NOXRED1: variants seen among roughly 807,000 people sequenced by gnomAD.
NOXRED1 encodes NADP dependent oxidoreductase domain containing 1.
A neutral mutation model predicts 30.4 loss-of-function variants in NOXRED1; 20 were observed. That is an observed-to-expected ratio of 0.66 (90% CI 0.46 to 0.96). The LOEUF (loss-of-function observed/expected upper bound fraction) is 0.96, where lower values mean the gene tolerates loss of function less well. Among genes scored for constraint, NOXRED1 ranks in the 40% least tolerant of loss-of-function variants. The pLI is 0.00. For missense variants in NOXRED1, 374 were observed against 428.0 expected (o/e 0.87, Z 1.11); for synonymous variants, 155 against 168.0 (o/e 0.92, Z 0.60).
At position 77,423,257 on chromosome 14, in the gene NOXRED1, C is replaced by T. The variant is rs75749791; in HGVS notation, c.-368G>A. The stretch of plus-strand genomic sequence containing the variant: ...TTTTACAGGTATTCTTGGGCCAGGA[C>T]GTTTTCCCTTCCATTCCCTCCTGCG... On this transcript the variant is annotated 5_prime_UTR_variant, in exon 1 of 6. Transcript: ENST00000380835. Among the ~76,000 whole-genome samples, 990 of 152,248 alleles carry T rather than the reference C, an allele frequency of 6.5e-3. 11 individuals are homozygous for T. Among genetic ancestry groups the T allele is most frequent in the African/African-American group, 0.023 (938 of 41,530 alleles).
chr14:77,407,858 A>C (rs1197729667), intron 2 of NOXRED1, among the ~76,000 whole-genome samples: 1 of 143,794 alleles, frequency 7.0e-6, no homozygotes, highest in Non-Finnish European at 1.5e-5. Context: ...ACTTGAAATT[A>C]TAATTCATCT....
chr14:77,406,364 A>G, intron 4 of NOXRED1: 1 of 598,048 alleles, frequency 1.7e-6, no homozygotes, highest in Non-Finnish European at 3.0e-6. Flanking sequence ...ACTAATGTAG[A>G]CATTGCTAAT....
upstream of NOXRED1, among the ~76,000 whole-genome samples, chr14:77,425,388 A>C (rs1039988510): frequency 4.6e-5 from 7 of 152,218 alleles, no homozygotes; most frequent in Non-Finnish European, 5.9e-5. Flanking sequence ...AGATTAGATT[A>C]GATTAGATTA....
chr14:77,418,286 C>T (rs954774894), intron 1 of NOXRED1, among the ~76,000 whole-genome samples: 2 of 152,064 alleles, frequency 1.3e-5, no homozygotes, highest in Non-Finnish European at 2.9e-5. Flanking sequence ...AGGCACACAC[C>T]ATCATACTTG....
chr14:77,414,204 CAG>C (rs1251943169), intron 1 of NOXRED1, 77 bp from the exon 2 acceptor site: 18 of 911,046 alleles, frequency 2.0e-5, no homozygotes, highest in Non-Finnish European at 2.4e-5. Context: ...TTTTTTGAGA[CAG>C]AGTCTTGCTT....
intron 4 of NOXRED1, 188 bp from the exon 5 acceptor site, chr14:77,406,323 G>C: frequency 1.7e-6 from 1 of 603,026 alleles, no homozygotes; most frequent in East Asian, 2.7e-5. Flanking sequence ...AACACATCAT[G>C]TGTTGACCAT....
At chr14:77,407,151 G>T (rs545480987) in intron 3 of NOXRED1, among the ~76,000 whole-genome samples, 1 of 152,192 alleles carries the variant, frequency 6.6e-6, no homozygotes, top group African/African-American at 2.4e-5. Flanking sequence ...TCATGTTATT[G>T]ACCGATGGTT....
Position 77,407,577 on chromosome 14 carries a change from T to G in NOXRED1, c.418A>C (p.Ile140Leu), listed in dbSNP as rs147504601. 133 of 1,613,886 alleles carry G rather than the reference T, an allele frequency of 8.2e-5. 1 individual carries two copies. The highest frequency in any genetic ancestry group is 1.0e-4 in the Non-Finnish European group (122 of 1,179,930). The change falls in exon 3 of 6, where the codon ATA (isoleucine) becomes CTA (leucine). Residue 140 changes from isoleucine to leucine, a missense_variant. Coordinates refer to ENST00000380835, the MANE Select transcript of NOXRED1 (RefSeq NM_001113475.3). ...NADLVSWADV[I>L]FLCCLPSQLP... ...TGAGACGGCAAGCAGCAGAGGAATATCACATCGGCCCAACTCACCAGATCA... is the reference window on the plus strand; with the variant it reads ...TGAGACGGCAAGCAGCAGAGGAATAGCACATCGGCCCAACTCACCAGATCA...
upstream of NOXRED1, among the ~76,000 whole-genome samples, chr14:77,423,693 T>A (rs1448997660): frequency 6.6e-6 from 1 of 152,188 alleles, no homozygotes; most frequent in Non-Finnish European, 1.5e-5. Flanking sequence ...ACTAGAGCAG[T>A]ATGAGACCCT....
chr14:77,409,396 C>T (rs1343361308), intron 2 of NOXRED1, among the ~76,000 whole-genome samples: 1 of 152,194 alleles, frequency 6.6e-6, no homozygotes, highest in East Asian at 1.9e-4. Context: ...GTGCTCTCTC[C>T]TGCCACCTTG....
chr14:77,410,379 T>C (rs547556207), intron 2 of NOXRED1, among the ~76,000 whole-genome samples: 31 of 152,128 alleles, frequency 2.0e-4, no homozygotes, highest in Admixed American at 4.6e-4. Context: ...CTAAGGCAAA[T>C]GGATCACTTG....
At position 77,422,748 on chromosome 14, in the gene NOXRED1, A is replaced by C; in HGVS notation, c.142T>G (p.Leu48Val). The C allele has an allele frequency of 6.2e-7, 1 of 1,614,154 alleles. No individual in the cohort carries two copies. The change falls in exon 1 of 6, where the codon TTA (leucine) becomes GTA (valine). Residue 48 changes from leucine (L) to valine (V), a missense_variant. Physicochemically the swap from Leu to Val is conservative, Grantham distance 32 (BLOSUM62 1). Coordinates refer to ENST00000380835, the MANE Select transcript of NOXRED1 (RefSeq NM_001113475.3). ...CAHATFFCKL[L>V]YNLRASLNKN... Reference sequence around the variant, plus strand: ...TACTCGGCTTACCTCAAATTATATAATAGTTTGCAGAAGAAGGTTGCATGG... The same window carrying C: ...TACTCGGCTTACCTCAAATTATATACTAGTTTGCAGAAGAAGGTTGCATGG...
At chr14:77,406,200 A>T in intron 4 of NOXRED1, 65 bp from the exon 5 acceptor site, 1 of 1,167,096 alleles carries the variant, frequency 8.6e-7, no homozygotes, top group Admixed American at 2.0e-5. Context: ...GAAAACCTAG[A>T]ATAAACCCCT....
chr14:77,407,410 A>G, intron 3 of NOXRED1, 55 bp downstream of exon 3: 4 of 1,330,470 alleles, frequency 3.0e-6, no homozygotes, highest in Non-Finnish European at 4.3e-6. Context: ...GGCAGAAGTC[A>G]GAGATAAGGA....
intron 1 of NOXRED1, among the ~76,000 whole-genome samples, chr14:77,416,308 T>A (rs868710099): frequency 1.3e-5 from 2 of 152,198 alleles, no homozygotes; most frequent in Non-Finnish European, 2.9e-5. Flanking sequence ...GATAAACAAG[T>A]GAACAAAGGT....
At chr14:77,420,923 TC>T (rs1165695042) in intron 1 of NOXRED1, among the ~76,000 whole-genome samples, 2 of 152,202 alleles carry the variant, frequency 1.3e-5, no homozygotes, top group Non-Finnish European at 2.9e-5. Flanking sequence ...GGGCTGATAA[TC>T]TTTTCCTCAC....
At position 77,422,827 on chromosome 14, in the gene NOXRED1, A is replaced by C. The variant is rs1219730854; in HGVS notation, c.63T>G (p.Arg21=). The stretch of plus-strand genomic sequence containing the variant: ...AACGGCCCTGCAAATACAGCCAGAT[A>C]CGATCTTCCTCTGGAACCCCATACT... The part of the protein sequence containing the change: ...QFEYGVPEED[R]IWLYLQGRSR... Residue 21 remains arginine (R), a synonymous_variant, in exon 1 of 6, where the codon CGT becomes CGG. Transcript: ENST00000380835. 6.2e-7 allele frequency: 1 copy of C among 1,613,802 alleles called. No individual in the cohort carries two copies. The highest frequency in any genetic ancestry group is 8.5e-7 in the Non-Finnish European group (1 of 1,179,834).
At chr14:77,404,715 G>A (rs544970836) in intron 5 of NOXRED1, among the ~76,000 whole-genome samples, 11 of 152,152 alleles carry the variant, frequency 7.2e-5, no homozygotes, top group East Asian at 3.9e-4. Flanking sequence ...AGGAGGGGCC[G>A]GGGAGTCAGG....
At chr14:77,419,645 T>C (rs1186175501) in intron 1 of NOXRED1, among the ~76,000 whole-genome samples, 1 of 151,424 alleles carries the variant, frequency 6.6e-6, no homozygotes, top group African/African-American at 2.4e-5. Flanking sequence ...AGACGGTTTT[T>C]CACCATGTTA....
Sources: allele counts gnomAD v4.1 joint callset (sites outside exome capture counted in the v4.1 genomes callset), GRCh38; gene constraint gnomAD v4.1.1; transcripts MANE v1.5; gene names NCBI Gene and HGNC (gene_info 2026-07-23, HGNC 2026-07-21).